Variants in SPIDR observed in about 807,000 individuals in gnomAD.
SPIDR encodes the protein scaffold protein involved in DNA repair, also known as DNA repair-scaffolding protein.
In SPIDR, 93 loss-of-function variants were observed where a neutral mutation model predicts 104.6. The observed-to-expected ratio is 0.89, with a 90% CI of 0.75 to 1.06. The LOEUF is 1.06. Ranked by LOEUF, SPIDR falls within the 50% of genes least tolerant of loss-of-function variation. The pLI, the probability that SPIDR is intolerant of heterozygous loss-of-function variation, is 0.00. For synonymous variants in SPIDR, 431 were observed against 416.9 expected, an observed-to-expected ratio of 1.03 and a Z score of -0.41; for missense variants, 1,154 against 1,111.2, an observed-to-expected ratio of 1.04 and a Z score of -0.55.
At chr8:47,712,931 C>T (rs1172495834) in intron 15 of SPIDR, 59 bp downstream of exon 15, 1 of 1,596,634 alleles carries the variant, frequency 6.3e-7, no homozygotes. Flanking sequence ...CCATAGAATA[C>T]CTCTTGTGGC....
intron 1 of SPIDR, among the ~76,000 whole-genome samples, chr8:47,271,999 G>GAGT (rs1399734280): frequency 5.3e-5 from 8 of 151,830 alleles, no homozygotes; most frequent in South Asian, 4.2e-4. Flanking sequence ...TTTTGAGATG[G>GAGT]AGTCTCTCTC....
At chr8:47,488,039 A>C (rs1249262162) in intron 8 of SPIDR, among the ~76,000 whole-genome samples, 1 of 151,950 alleles carries the variant, frequency 6.6e-6, no homozygotes, top group Non-Finnish European at 1.5e-5. Flanking sequence ...GACACAAAAA[A>C]CCCTTCAAAA....
At chr8:47,430,356 A>G (rs1554688196) in intron 7 of SPIDR, among the ~76,000 whole-genome samples, 1 of 152,192 alleles carries the variant, frequency 6.6e-6, no homozygotes, top group Non-Finnish European at 1.5e-5. Flanking sequence ...ATTCTGGCTC[A>G]TCATAGGTTT....
chr8:47,563,703 A>G (rs1480544854), intron 8 of SPIDR, among the ~76,000 whole-genome samples: 1 of 152,150 alleles, frequency 6.6e-6, no homozygotes, highest in Non-Finnish European at 1.5e-5. Flanking sequence ...AATACTCCTA[A>G]AGATGGAACT....
At chr8:47,414,744 G>T (rs369844827) in intron 7 of SPIDR, among the ~76,000 whole-genome samples, 6 of 152,166 alleles carry the variant, frequency 3.9e-5, no homozygotes, top group African/African-American at 1.4e-4. Flanking sequence ...CCTTTGGGTC[G>T]TTTCCATATT....
chr8:47,271,338 T>G (rs1053179535), intron 1 of SPIDR, among the ~76,000 whole-genome samples: 26 of 152,304 alleles, frequency 1.7e-4, no homozygotes, highest in African/African-American at 6.0e-4. Context: ...ACTCTTATTA[T>G]GCATATATTT....
In SPIDR at chr8:47,590,292, T is replaced by A. The variant is rs546296089; in HGVS notation, c.1098-5519T>A. ...GATTTGAGACTTTTTTCTTTTTTAATGTAAGCTTTAAGTTCTGTAAAATTT... is the reference window on the plus strand; with the variant it reads ...GATTTGAGACTTTTTTCTTTTTTAAAGTAAGCTTTAAGTTCTGTAAAATTT... On this transcript the variant is annotated intron_variant, in intron 8 of 19. Coordinates refer to ENST00000297423, the MANE Select transcript of SPIDR (RefSeq NM_001080394.4). Among the ~76,000 whole-genome samples the A allele has an allele frequency of 1.1e-4, 16 of 152,362 alleles. No individual in the cohort carries two copies. The South Asian group carries it at 3.3e-3, about 32-fold the overall frequency.
intron 8 of SPIDR, chr8:47,512,081 G>A (rs542910481): frequency 3.7e-5 from 22 of 593,992 alleles, no homozygotes; most frequent in African/African-American, 2.0e-4. Context: ...AAGCAGGCCC[G>A]GTCCTGCTCA....
chr8:47,712,380 A>G (rs2082006305), intron 14 of SPIDR, among the ~76,000 whole-genome samples: 1 of 152,162 alleles, frequency 6.6e-6, no homozygotes, highest in South Asian at 2.1e-4. Flanking sequence ...GATCAGGAGG[A>G]AAAGAACAAT....
At chr8:47,263,638 T>C (rs1252030438) in intron 1 of SPIDR, among the ~76,000 whole-genome samples, 1 of 152,128 alleles carries the variant, frequency 6.6e-6, no homozygotes, top group Non-Finnish European at 1.5e-5. Flanking sequence ...TAATCATCCA[T>C]TGAGGCCTAC....
At chr8:47,529,126 A>G (rs1451358960) in intron 8 of SPIDR, among the ~76,000 whole-genome samples, 1 of 152,248 alleles carries the variant, frequency 6.6e-6, no homozygotes, top group Non-Finnish European at 1.5e-5. Flanking sequence ...CACAATATTT[A>G]AAGTATTAAA....
At chr8:47,515,954 C>T (rs1486624822) in intron 8 of SPIDR, among the ~76,000 whole-genome samples, 1 of 152,292 alleles carries the variant, frequency 6.6e-6, no homozygotes, top group South Asian at 2.1e-4. Context: ...GGACTACAGG[C>T]GCTCACCACC....
chr8:47,329,485 G>C (rs1377336256), intron 5 of SPIDR, among the ~76,000 whole-genome samples: 1 of 152,142 alleles, frequency 6.6e-6, no homozygotes, highest in East Asian at 1.9e-4. Context: ...TGTATTACAG[G>C]TGTGAGCCAC....
intron 8 of SPIDR, chr8:47,527,889 A>G (rs536436291): frequency 9.8e-5 from 15 of 152,342 alleles, no homozygotes; most frequent in Middle Eastern, 3.4e-3. Flanking sequence ...AATTACTTTT[A>G]CCAGTGGTAT....
intron 8 of SPIDR, among the ~76,000 whole-genome samples, chr8:47,458,001 T>TA (rs1327442349): frequency 1.3e-5 from 2 of 152,222 alleles, no homozygotes; most frequent in African/African-American, 4.8e-5. Flanking sequence ...TATGGCCTTA[T>TA]AGTCTAGTTT....
intron 6 of SPIDR, among the ~76,000 whole-genome samples, chr8:47,402,743 G>C (rs905928572): frequency 5.3e-5 from 8 of 152,028 alleles, no homozygotes; most frequent in African/African-American, 1.9e-4. Context: ...TCCAGGACCA[G>C]ACGGATTCAC....
chr8:47,511,499 T>G, intron 8 of SPIDR: 1 of 779,292 alleles, frequency 1.3e-6, no homozygotes, highest in South Asian at 1.4e-5. Flanking sequence ...GGCACCTCCC[T>G]TCTGTGGATA....
rs2061265279 is a variant in SPIDR at position 47,396,507 on chromosome 8, T to G, written c.657T>G (p.Ile219Met). Residue 219 changes from isoleucine to methionine, a missense_variant, in exon 6 of 20, where the codon ATT becomes ATG. Transcript: ENST00000297423. Reference sequence around the variant, plus strand: ...AGTTTGCATCGGATGCAAGACAGATTATGGAGAGACTGATAGATCCAAGGA... The same window carrying G: ...AGTTTGCATCGGATGCAAGACAGATGATGGAGAGACTGATAGATCCAAGGA... ...HVQFASDARQ[I>M]MERLIDPRTK... 5 of 1,614,014 alleles carry G rather than the reference T, an allele frequency of 3.1e-6. No individual in the cohort carries two copies. The African/African-American group carries it at 4.0e-5, about 13-fold the overall frequency.
At position 47,293,894 on chromosome 8, in the gene SPIDR, T is replaced by C; in HGVS notation, c.389T>C (p.Ile130Thr). Residue 130 changes from isoleucine (I) to threonine (T), a missense_variant, in exon 5 of 20, where the codon ATT (isoleucine) becomes ACT (threonine). Ile to Thr is a moderately conservative substitution (Grantham distance 89). Transcript: ENST00000297423. ...GAATTACAGTTTATCGACTGGGAGATTGACAGTGACAGGGCAGAGGCTAGT... is the reference window on the plus strand; with the variant it reads ...GAATTACAGTTTATCGACTGGGAGACTGACAGTGACAGGGCAGAGGCTAGT... Reference protein sequence around the residue: ...RDELQFIDWEIDSDRAEASDC... With the variant: ...RDELQFIDWETDSDRAEASDC... 1 of 1,611,938 alleles carries C rather than the reference T, an allele frequency of 6.2e-7. No individual in the cohort carries two copies. Among genetic ancestry groups the C allele is most frequent in the Non-Finnish European group, 8.5e-7 (1 of 1,179,160 alleles).
Sources: gnomAD v4.1 joint callset for allele counts (sites outside exome capture counted in the v4.1 genomes callset) on GRCh38, gnomAD v4.1.1 for gene constraint, MANE v1.5 for transcripts, NCBI Gene and HGNC (gene_info 2026-07-23, HGNC 2026-07-21) for gene names.